The following EPC1 variants were observed in gnomAD, a reference collection of about 807,000 sequenced individuals.
EPC1 encodes the protein enhancer of polycomb 1, also known as enhancer of polycomb homolog 1.
In EPC1, 12 loss-of-function variants were observed where a neutral mutation model predicts 98.4. The ratio of observed to expected loss-of-function variants is 0.12; its 90% CI spans 0.08 to 0.20. The LOEUF (loss-of-function observed/expected upper bound fraction) is 0.20. Ranked by LOEUF, EPC1 falls within the 10% of genes least tolerant of loss-of-function variation. The probability of loss-of-function intolerance (pLI) is 1.00; values close to 1 mark genes in which losing one functional copy is unlikely to be tolerated. For synonymous variants in EPC1, 357 were observed against 363.9 expected (o/e 0.98, Z 0.21); for missense variants, 729 against 990.5 (o/e 0.74, Z 3.54).
At chr10:32,339,464 G>C (rs1838191827) in intron 1 of EPC1, among the ~76,000 whole-genome samples, 1 of 152,168 alleles carries the variant, frequency 6.6e-6, no homozygotes, top group South Asian at 2.1e-4. Context: ...AGAATCGCTT[G>C]AATCTGGGAG....
In EPC1 at chr10:32,345,410, TAC is replaced by T. The variant is rs904649578; in HGVS notation, c.153+1351_153+1352del. ...ACAGTTTTATTTCCAAAAACAACAT[TAC>T]AGAGCATAATTTCTACATTAAAAAT... is the stretch of plus-strand genomic sequence containing the variant. On this transcript the variant is annotated intron_variant, in intron 1 of 13. Transcript: ENST00000319778. 4.1e-6 allele frequency: 4 copies of T among 985,186 alleles called. No individual in the cohort carries two copies. The African/African-American group carries it at 5.2e-5, about 13-fold the overall frequency. The allele number at this position is 985,186 out of a possible 1,614,324, so 61.0% of individuals were successfully genotyped here.
Position 32,346,981 on chromosome 10 carries a change from C to CG in EPC1, c.-67dup. On this transcript the variant is annotated 5_prime_UTR_variant, in exon 1 of 14. Transcript: ENST00000319778. ...CCCGGCCAGCGGGATCATGGAGAAC[C>CG]GGGGGTTCGGTCCCCACTCGCCAAC... 1.9e-6 allele frequency: 3 copies of CG among 1,585,980 alleles called. No homozygotes were observed. Among genetic ancestry groups the CG allele is most frequent in the Non-Finnish European group, 2.6e-6 (3 of 1,171,768 alleles).
intron 1 of EPC1, among the ~76,000 whole-genome samples, chr10:32,320,061 T>C (rs1836803471): frequency 6.6e-6 from 1 of 152,156 alleles, no homozygotes; most frequent in Non-Finnish European, 1.5e-5. Flanking sequence ...TGTGTACATA[T>C]GAGAAAGAGA....
intron 5 of EPC1, 28 bp downstream of exon 5, chr10:32,292,468 C>A (rs1468969296): frequency 1.3e-6 from 2 of 1,492,102 alleles, no homozygotes; most frequent in Admixed American, 4.4e-5. Context: ...CACTATACTT[C>A]CTCTAACATT....
chr10:32,297,713 T>A (rs1159285444), intron 2 of EPC1, among the ~76,000 whole-genome samples: 1 of 152,122 alleles, frequency 6.6e-6, no homozygotes, highest in African/African-American at 2.4e-5. Flanking sequence ...TACACAGATG[T>A]AGGAAAAAGT....
upstream of EPC1, among the ~76,000 whole-genome samples, chr10:32,351,693 C>T (rs182125647): frequency 1.0e-3 from 158 of 151,538 alleles, 1 homozygote; most frequent in Admixed American, 3.2e-3. Flanking sequence ...TCTTTCCTGC[C>T]TCCAGGTTTT....
upstream of EPC1, among the ~76,000 whole-genome samples, chr10:32,349,686 TG>T (rs1839056380): frequency 6.6e-6 from 1 of 152,208 alleles, no homozygotes; most frequent in Non-Finnish European, 1.5e-5. Flanking sequence ...ACTGCAGGCT[TG>T]AACTCCTGGG....
chr10:32,285,514 T>C (rs1564524715), intron 9 of EPC1: 1 of 156,638 alleles, frequency 6.4e-6, no homozygotes, highest in Non-Finnish European at 1.4e-5. Flanking sequence ...AGTTTTACTC[T>C]GTCACCCAGA....
At chr10:32,305,559 A>G (rs1016429798) in intron 2 of EPC1, among the ~76,000 whole-genome samples, 1 of 151,908 alleles carries the variant, frequency 6.6e-6, no homozygotes, top group Non-Finnish European at 1.5e-5. Flanking sequence ...GTATGCTGGA[A>G]TGAAACAAAA....
chr10:32,271,953 A>G lies in EPC1; in HGVS notation c.2006-36T>C, dbSNP rs201171682. The G allele has an allele frequency of 3.3e-4, 524 of 1,602,870 alleles. 1 individual carries two copies. The highest frequency in any genetic ancestry group is 4.3e-4 in the Non-Finnish European group (502 of 1,175,730). ...AAAGAAAGAAACATCTAAACAATGTACAACTTTGCTGTTTATATTATAGAT... is the reference window on the plus strand; with the variant it reads ...AAAGAAAGAAACATCTAAACAATGTGCAACTTTGCTGTTTATATTATAGAT... On this transcript the variant is annotated intron_variant, in intron 12 of 13. Coordinates refer to ENST00000319778, the MANE Select transcript of EPC1 (RefSeq NM_001272004.3).
intron 1 of EPC1, among the ~76,000 whole-genome samples, chr10:32,315,758 C>T (rs1004045147): frequency 2.2e-4 from 33 of 152,214 alleles, no homozygotes; most frequent in African/African-American, 7.7e-4. Context: ...TACATCCAAA[C>T]GCCCAACTCT....
intron 1 of EPC1, among the ~76,000 whole-genome samples, chr10:32,357,276 A>C (rs766450468): frequency 6.6e-6 from 1 of 152,232 alleles, no homozygotes; most frequent in Non-Finnish European, 1.5e-5. Flanking sequence ...CCACATCCAG[A>C]TCTTAAGATT....
At chr10:32,372,811 A>G (rs1455827626) in intron 1 of EPC1, among the ~76,000 whole-genome samples, 1 of 152,224 alleles carries the variant, frequency 6.6e-6, no homozygotes, top group Non-Finnish European at 1.5e-5. Context: ...ACCTGAGATC[A>G]GGAGTTCGAG....
chr10:32,374,180 T>G (rs986425883), intron 1 of EPC1: 4 of 152,316 alleles, frequency 2.6e-5, no homozygotes, highest in African/African-American at 9.6e-5. Flanking sequence ...AAAATATGTT[T>G]TTATTTTTAA....
At chr10:32,306,064 T>C in intron 1 of EPC1, 133 bp from the exon 2 acceptor site, 1 of 753,032 alleles carries the variant, frequency 1.3e-6, no homozygotes, top group Admixed American at 3.7e-5. Flanking sequence ...TAAAAGCATG[T>C]TGTTAACACG....
rs60837574 is a variant in EPC1, at chr10:32,292,738, A to C, written c.667-94T>G. On this transcript the variant is annotated intron_variant, in intron 4 of 13. Coordinates refer to ENST00000319778, the MANE Select transcript of EPC1 (RefSeq NM_001272004.3). The stretch of plus-strand genomic sequence containing the variant: ...TAAAATTTATATATTTGAAGGGTTA[A>C]ATTAGAATTTAAAGACAATAAAAGG... 8,339 of 1,268,714 alleles carry C rather than the reference A, an allele frequency of 6.6e-3. 451 individuals carry two copies. In the African/African-American group the frequency reaches 0.11, roughly 17 times the overall value. The allele number at this position is 1,268,714 out of a possible 1,614,324, so 78.6% of individuals were successfully genotyped here.
chr10:32,345,806 T>C (rs1838737074), intron 1 of EPC1, among the ~76,000 whole-genome samples: 1 of 152,306 alleles, frequency 6.6e-6, no homozygotes, highest in African/African-American at 2.4e-5. Context: ...TTTAGTTCGG[T>C]TTTGAATAAG....
chr10:32,345,727 T>C (rs1564560456), intron 1 of EPC1: 1 of 701,382 alleles, frequency 1.4e-6, no homozygotes, highest in Admixed American at 6.3e-5. Flanking sequence ...GTTGTCAACA[T>C]TTACGTGCTG....
intron 1 of EPC1, among the ~76,000 whole-genome samples, chr10:32,341,820 C>T (rs1838374692): frequency 2.0e-5 from 3 of 152,178 alleles, no homozygotes; most frequent in Admixed American, 2.0e-4. Context: ...ACCAAAATGA[C>T]TCAGTTTGAA....
Sources: gnomAD v4.1 joint callset for allele counts (sites outside exome capture counted in the v4.1 genomes callset) on GRCh38, gnomAD v4.1.1 for gene constraint, MANE v1.5 for transcripts, NCBI Gene and HGNC (gene_info 2026-07-23, HGNC 2026-07-21) for gene names.